Variants in VWA8 observed in about 807,000 individuals in gnomAD.
The protein encoded by VWA8 is von Willebrand factor A domain containing 8.
Under a neutral mutation model 241.5 loss-of-function variants are expected in VWA8, and 221 were observed. The ratio of observed to expected loss-of-function variants is 0.91; its 90% CI spans 0.82 to 1.02. VWA8 has a LOEUF of 1.02. Ranked by LOEUF, VWA8 falls within the 50% of genes least tolerant of loss-of-function variation. The pLI is 0.00. For synonymous variants in VWA8, 852 were observed against 827.1 expected (o/e 1.03, Z -0.52); for missense variants, 2,322 against 2,328.7 (o/e 1.00, Z 0.06).
At chr13:41,837,438 C>T (rs917834309) in intron 12 of VWA8, among the ~76,000 whole-genome samples, 1 of 151,638 alleles carries the variant, frequency 6.6e-6, no homozygotes, top group Non-Finnish European at 1.5e-5. Flanking sequence ...CAAAACTAAA[C>T]TTTCACAGAA....
Position 41,606,160 on chromosome 13 carries a change from T to C in VWA8, c.4878-884A>G, listed in dbSNP as rs553053658. Among the ~76,000 whole-genome samples, 6 of 152,234 alleles carry C rather than the reference T, an allele frequency of 3.9e-5. 1 individual carries two copies. The East Asian group carries it at 9.7e-4, about 25-fold the overall frequency. On this transcript the variant is annotated intron_variant, in intron 39 of 44. Transcript: ENST00000379310. ...CTCACTTCATTCCTCCCTCAGAGAA[T>C]TTGCTCTCCATGCTGTAACTATCTG...
chr13:41,608,614 T>C (rs2139658752), intron 39 of VWA8, among the ~76,000 whole-genome samples: 1 of 152,308 alleles, frequency 6.6e-6, no homozygotes, highest in East Asian at 1.9e-4. Flanking sequence ...TTGAATCAAT[T>C]ATAAGGAAAA....
intron 2 of VWA8, among the ~76,000 whole-genome samples, chr13:41,915,774 C>T (rs1368362244): frequency 1.3e-5 from 2 of 152,178 alleles, no homozygotes; most frequent in Non-Finnish European, 2.9e-5. Context: ...ACATAAGTTT[C>T]TTAATACATA....
chr13:41,802,362 G>A (rs1869997995), intron 17 of VWA8, among the ~76,000 whole-genome samples: 1 of 152,204 alleles, frequency 6.6e-6, no homozygotes, highest in Non-Finnish European at 1.5e-5. Flanking sequence ...ATTCTAACTA[G>A]CCCCACCACC....
At chr13:41,814,769 A>C (rs1042102730) in intron 16 of VWA8, among the ~76,000 whole-genome samples, 1 of 152,204 alleles carries the variant, frequency 6.6e-6, no homozygotes, top group Admixed American at 6.5e-5. Context: ...TAGTATTGCC[A>C]ACATTTGCAA....
chr13:41,852,434 A>C (rs1175556388), intron 12 of VWA8, among the ~76,000 whole-genome samples: 4 of 152,122 alleles, frequency 2.6e-5, no homozygotes, highest in African/African-American at 9.6e-5. Context: ...AAGCTTTTTA[A>C]GTTTGATGCA....
At chr13:41,735,633 A>T (rs2045519056) in intron 21 of VWA8, among the ~76,000 whole-genome samples, 1 of 152,188 alleles carries the variant, frequency 6.6e-6, no homozygotes, top group South Asian at 2.1e-4. Context: ...AAAGGCTAGT[A>T]AAATATGTAA....
chr13:41,868,487 T>C lies in VWA8; in HGVS notation c.1081-10A>G. 1 of 1,607,310 alleles carries C rather than the reference T, an allele frequency of 6.2e-7. No homozygotes were observed. The highest frequency in any genetic ancestry group is 8.5e-7 in the Non-Finnish European group (1 of 1,177,126). ...CTTGAAGTTCAAAGCGCTGTAAAAT[T>C]ACAAGAAAATCATGCAATTTACTTT... On this transcript the variant is annotated splice_polypyrimidine_tract_variant and intron_variant, in intron 9 of 44. Transcript: ENST00000379310.
At chr13:41,642,984 C>T (rs1269968837) in intron 37 of VWA8, among the ~76,000 whole-genome samples, 1 of 152,146 alleles carries the variant, frequency 6.6e-6, no homozygotes, top group Non-Finnish European at 1.5e-5. Context: ...GATAAATTTT[C>T]TGGATCTGCT....
intron 43 of VWA8, among the ~76,000 whole-genome samples, chr13:41,572,850 C>T (rs1176081275): frequency 6.7e-6 from 1 of 149,080 alleles, no homozygotes; most frequent in Admixed American, 6.7e-5. Flanking sequence ...TGGCTCACGT[C>T]TGTGGTCCCA....
chr13:41,806,389 C>T (rs1355702377), intron 17 of VWA8, among the ~76,000 whole-genome samples: 3 of 152,032 alleles, frequency 2.0e-5, no homozygotes, highest in Non-Finnish European at 4.4e-5. Flanking sequence ...AGAGCAGAAA[C>T]AAATAAAATT....
intron 21 of VWA8, among the ~76,000 whole-genome samples, chr13:41,734,502 C>A (rs1234701927): frequency 6.6e-6 from 1 of 152,198 alleles, no homozygotes; most frequent in Non-Finnish European, 1.5e-5. Context: ...GCAGTACGTA[C>A]CTTCCCCATC....
At chr13:41,568,477 T>C in intron 44 of VWA8, 172 bp from the exon 45 acceptor site, 1 of 489,256 alleles carries the variant, frequency 2.0e-6, no homozygotes, top group Non-Finnish European at 3.6e-6. Context: ...AATGAAAGGC[T>C]TGGAAGAGCA....
At chr13:41,774,577 T>C (rs1416533271) in intron 20 of VWA8, among the ~76,000 whole-genome samples, 1 of 152,200 alleles carries the variant, frequency 6.6e-6, no homozygotes, top group African/African-American at 2.4e-5. Context: ...ATAGAGATGG[T>C]GGGTAAATAC....
intron 41 of VWA8, 123 bp from the exon 42 acceptor site, chr13:41,587,793 C>CCT (rs2044429057): frequency 6.9e-6 from 8 of 1,156,426 alleles, no homozygotes; most frequent in Non-Finnish European, 8.5e-6. Context: ...GCCATAGGCT[C>CCT]AGCCCTGCAC....
At chr13:41,597,830 A>G (rs1331069884) in intron 40 of VWA8, among the ~76,000 whole-genome samples, 1 of 137,380 alleles carries the variant, frequency 7.3e-6, no homozygotes, top group Non-Finnish European at 1.7e-5. Flanking sequence ...CCACTCTTCC[A>G]GTTGTTCAGG....
At chr13:41,928,799 A>G (rs2138137268) in intron 2 of VWA8, among the ~76,000 whole-genome samples, 1 of 152,178 alleles carries the variant, frequency 6.6e-6, no homozygotes, top group Non-Finnish European at 1.5e-5. Context: ...AGGTTTTTTG[A>G]AAAAATAAAA....
At chr13:41,726,816 G>A (rs942354422) in intron 24 of VWA8, among the ~76,000 whole-genome samples, 3 of 152,048 alleles carry the variant, frequency 2.0e-5, no homozygotes, top group Non-Finnish European at 4.4e-5. Flanking sequence ...CCAACATGGT[G>A]AAACCCCATC....
At chr13:41,623,833 C>A (rs985916442) in intron 37 of VWA8, among the ~76,000 whole-genome samples, 1 of 152,046 alleles carries the variant, frequency 6.6e-6, no homozygotes, top group Non-Finnish European at 1.5e-5. Flanking sequence ...TCTGAATATA[C>A]CTGCCTAAAA....
Sources: gnomAD v4.1 joint callset for allele counts (sites outside exome capture counted in the v4.1 genomes callset) on GRCh38, gnomAD v4.1.1 for gene constraint, MANE v1.5 for transcripts, NCBI Gene and HGNC (gene_info 2026-07-23, HGNC 2026-07-21) for gene names.